Variants in OPN1SW observed in about 807,000 individuals in gnomAD.
OPN1SW encodes short-wave-sensitive opsin 1.
Under a neutral mutation model 31.9 loss-of-function variants are expected in OPN1SW, and 25 were observed. The ratio of observed to expected loss-of-function variants is 0.78; its 90% CI spans 0.57 to 1.09. The LOEUF is 1.09. Ranked by LOEUF, OPN1SW falls within the 50% of genes least tolerant of loss-of-function variation. The pLI is 0.00. For synonymous variants in OPN1SW, 190 were observed against 171.9 expected (o/e 1.11, Z -0.82); for missense variants, 424 against 448.0 (o/e 0.95, Z 0.48).
In OPN1SW at chr7:128,772,613, T is replaced by C; in HGVS notation, c.965A>G (p.Asp322Gly). ...MKMVCGKAMT[D>G]ESDTCSSQKT... Reference sequence around the variant, plus strand: ...CTGGGAGCTGCATGTGTCGGATTCATCTGTCATGGCCTTCCCACACACCAT... The same window carrying C: ...CTGGGAGCTGCATGTGTCGGATTCACCTGTCATGGCCTTCCCACACACCAT... The change falls in exon 5 of 5, where the codon GAT (aspartate) becomes GGT (glycine). Residue 322 changes from aspartate to glycine, a missense_variant. Coordinates refer to ENST00000249389, the MANE Select transcript of OPN1SW (RefSeq NM_001385125.1). 2 of 1,614,168 alleles carry C rather than the reference T, an allele frequency of 1.2e-6. No homozygotes were observed. The highest frequency in any genetic ancestry group is 1.7e-6 in the Non-Finnish European group (2 of 1,180,012).
At position 128,775,655 on chromosome 7, in the gene OPN1SW, G is replaced by T. The variant is rs758046435; in HGVS notation, c.127C>A (p.Leu43Ile). 1 of 1,614,160 alleles carries T rather than the reference G, an allele frequency of 6.2e-7. No individual in the cohort carries two copies. Among genetic ancestry groups the T allele is most frequent in the African/African-American group, 1.3e-5 (1 of 75,036 alleles). ...LQAAFMGTVF[L>I]IGFPLNAMVL... ...ATGGCATTGAGTGGGAACCCTATAA[G>T]GAAGACAGTGCCCATGAAAGCTGCC... Residue 43 changes from leucine (L) to isoleucine (I), a missense_variant, in exon 1 of 5, where the codon CTT becomes ATT. Physicochemically the swap from Leu to Ile is conservative, Grantham distance 5 (BLOSUM62 2). Coordinates refer to ENST00000249389, the MANE Select transcript of OPN1SW (RefSeq NM_001385125.1).
At position 128,775,583 on chromosome 7, in the gene OPN1SW, TGAG is replaced by T. The variant is rs1240186802; in HGVS notation, c.196_198del (p.Leu66del). 4.3e-6 allele frequency: 7 copies of T among 1,613,962 alleles called. No individual in the cohort carries two copies. The highest frequency in any genetic ancestry group is 5.1e-6 in the Non-Finnish European group (6 of 1,179,976). ...AAGGACACGTTGACCAGAATGTAGTTGAGGGGCTGCCGCAACTTTTTGTAGCGC... is the reference window on the plus strand; with the variant it reads ...AAGGACACGTTGACCAGAATGTAGTTGGGCTGCCGCAACTTTTTGTAGCGC... On this transcript the variant is annotated inframe_deletion, in exon 1 of 5. Transcript: ENST00000249389.
rs375615377 is a variant in OPN1SW, at chr7:128,773,749, C to G, written c.818G>C (p.Arg273Pro). ...AAGCCGTAAGTCCAGCCCATGGTTA[C>G]GGTTGTTGACCATGTACATGGCGAA... Reference protein sequence around the residue: ...AAFAMYMVNNRNHGLDLRLVT... With the variant: ...AAFAMYMVNNPNHGLDLRLVT... The change falls in exon 4 of 5, where the codon CGT becomes CCT. Residue 273 changes from arginine (R) to proline (P), a missense_variant. By Grantham distance (103) the Arg-to-Pro change is moderately radical. Coordinates refer to ENST00000249389, the MANE Select transcript of OPN1SW (RefSeq NM_001385125.1). The G allele has an allele frequency of 1.2e-6, 2 of 1,614,052 alleles. No individual in the cohort carries two copies. The highest frequency in any genetic ancestry group is 1.3e-5 in the African/African-American group (1 of 74,924).
intron 3 of OPN1SW, among the ~76,000 whole-genome samples, chr7:128,774,250 C>T (rs1157752264): frequency 2.0e-5 from 3 of 152,166 alleles, no homozygotes; most frequent in Non-Finnish European, 2.9e-5. Flanking sequence ...TGAGCCACTG[C>T]GCCCGGTCTC....
At position 128,772,498 on chromosome 7, in the gene OPN1SW, AAATTT is replaced by A; in HGVS notation, c.*37_*41del. 3 of 1,613,302 alleles carry A rather than the reference AAATTT, an allele frequency of 1.9e-6. No homozygotes were observed. Among genetic ancestry groups the A allele is most frequent in the Non-Finnish European group, 2.5e-6 (3 of 1,179,314 alleles). On this transcript the variant is annotated 3_prime_UTR_variant, in exon 5 of 5. Transcript: ENST00000249389. ...GACAATAGAAACTTACTTAAAAGTA[AAATTT>A]AATTCTAGCTGTTGCAAACAGGCCA...
Position 128,773,736 on chromosome 7 carries a change from C to T in OPN1SW, c.831G>A (p.Leu277=). The change falls in exon 4 of 5, where the codon CTG becomes CTA. Residue 277 remains leucine (L), a synonymous_variant. Coordinates refer to ENST00000249389, the MANE Select transcript of OPN1SW (RefSeq NM_001385125.1). The part of the protein sequence containing the change: ...MYMVNNRNHG[L]DLRLVTIPSF... Reference sequence around the variant, plus strand: ...AAGGAATGGTGACAAGCCGTAAGTCCAGCCCATGGTTACGGTTGTTGACCA... The same window carrying T: ...AAGGAATGGTGACAAGCCGTAAGTCTAGCCCATGGTTACGGTTGTTGACCA... 6.2e-7 allele frequency: 1 copy of T among 1,614,204 alleles called. No individual in the cohort carries two copies. The highest frequency in any genetic ancestry group is 8.5e-7 in the Non-Finnish European group (1 of 1,180,044).
Position 128,774,363 on chromosome 7 carries a change from C to T in OPN1SW, c.678+135G>A, listed in dbSNP as rs899773969. 5 of 1,198,666 alleles carry T rather than the reference C, an allele frequency of 4.2e-6. No homozygotes were observed. The African/African-American group carries it at 7.5e-5, about 18-fold the overall frequency. 74.3% of individuals were successfully genotyped at this position (1,198,666 alleles called of 1,614,324 possible). On this transcript the variant is annotated intron_variant, in intron 3 of 4. Transcript: ENST00000249389. Reference sequence around the variant, plus strand: ...CCTTTGGATCTCCATCATTCTCCCTCCTCCTACTTCCTTTGCTGCTTTTAG... The same window carrying T: ...CCTTTGGATCTCCATCATTCTCCCTTCTCCTACTTCCTTTGCTGCTTTTAG...
chr7:128,775,239 G>A (rs1433366544), intron 1 of OPN1SW, 85 bp from the exon 2 acceptor site: 2 of 1,446,206 alleles, frequency 1.4e-6, no homozygotes, highest in Admixed American at 3.6e-5. Context: ...GGTGGAGCAA[G>A]CACAGAGAGA....
intron 4 of OPN1SW, 118 bp from the exon 5 acceptor site, chr7:128,772,777 G>C (rs1801640678): frequency 3.6e-6 from 5 of 1,397,162 alleles, no homozygotes; most frequent in Non-Finnish European, 5.0e-6. Context: ...AATGCCCTTA[G>C]GTGGTTTTGA....
intron 2 of OPN1SW, 102 bp downstream of exon 2, chr7:128,774,884 A>C: frequency 6.7e-7 from 1 of 1,503,186 alleles, no homozygotes; most frequent in South Asian, 1.2e-5. Flanking sequence ...GCAACTCTTT[A>C]AAAGTAGAGG....
Position 128,773,904 on chromosome 7 carries a change from G to A in OPN1SW, c.679-16C>T, listed in dbSNP as rs750959685. On this transcript the variant is annotated splice_polypyrimidine_tract_variant and intron_variant, in intron 3 of 4. Coordinates refer to ENST00000249389, the MANE Select transcript of OPN1SW (RefSeq NM_001385125.1). ...GAGCTGCAACCTGGGGTGGAGCACGGAAAGCATCACATCTCTCTTTTTCCT... is the reference window on the plus strand; with the variant it reads ...GAGCTGCAACCTGGGGTGGAGCACGAAAAGCATCACATCTCTCTTTTTCCT... The A allele has an allele frequency of 1.4e-5, 23 of 1,605,964 alleles. No individual in the cohort carries two copies. The highest frequency in any genetic ancestry group is 1.6e-5 in the Non-Finnish European group (19 of 1,179,792).
chr7:128,773,006 A>G (rs1801652185), intron 4 of OPN1SW, among the ~76,000 whole-genome samples: 1 of 152,226 alleles, frequency 6.6e-6, no homozygotes, highest in Non-Finnish European at 1.5e-5. Context: ...GAGGTTTCAA[A>G]TTAGTTTTGA....
rs1424127387 is a variant in OPN1SW at position 128,773,719 on chromosome 7, G to A, written c.848C>T (p.Thr283Ile). 1 of 1,614,176 alleles carries A rather than the reference G, an allele frequency of 6.2e-7. No individual in the cohort carries two copies. Among genetic ancestry groups the A allele is most frequent in the African/African-American group, 1.3e-5 (1 of 75,056 alleles). Residue 283 changes from threonine (T) to isoleucine (I), a missense_variant, in exon 4 of 5, where the codon ACC (threonine) becomes ATC (isoleucine). Physicochemically the swap from Thr to Ile is moderately conservative, Grantham distance 89 (BLOSUM62 -1). Coordinates refer to ENST00000249389, the MANE Select transcript of OPN1SW (RefSeq NM_001385125.1). ...ACTCTTGGAGAAGAATGAAGGAATG[G>A]TGACAAGCCGTAAGTCCAGCCCATG... The part of the protein sequence containing the change: ...RNHGLDLRLV[T>I]IPSFFSKSAC...
chr7:128,773,782 T>C lies in OPN1SW; in HGVS notation c.785A>G (p.Tyr262Cys). Reference protein sequence around the residue: ...VGSFCVCYVPYAAFAMYMVNN... With the variant: ...VGSFCVCYVPCAAFAMYMVNN... ...GACCATGTACATGGCGAAGGCCGCG[T>C]AGGGCACGTAGCAGACACAGAAGGA... is the stretch of plus-strand genomic sequence containing the variant. The change falls in exon 4 of 5, where the codon TAC (tyrosine) becomes TGC (cysteine). Residue 262 changes from tyrosine (Y) to cysteine (C), a missense_variant. Tyr to Cys is a radical substitution (Grantham distance 194). Coordinates refer to ENST00000249389, the MANE Select transcript of OPN1SW (RefSeq NM_001385125.1). 1.9e-6 allele frequency: 3 copies of C among 1,614,098 alleles called. No homozygotes were observed. Among genetic ancestry groups the C allele is most frequent in the Non-Finnish European group, 2.5e-6 (3 of 1,180,008 alleles).
rs1487736704 is a variant in OPN1SW at position 128,773,742 on chromosome 7, A to G, written c.825T>C (p.His275=). The G allele has an allele frequency of 6.2e-6, 10 of 1,614,096 alleles. No homozygotes were observed. The Admixed American group carries it at 6.7e-5, about 11-fold the overall frequency. ...FAMYMVNNRN[H]GLDLRLVTIP... is the part of the protein sequence containing the mutation. ...TGGTGACAAGCCGTAAGTCCAGCCC[A>G]TGGTTACGGTTGTTGACCATGTACA... The change falls in exon 4 of 5, where the codon CAT becomes CAC. Residue 275 remains histidine, a synonymous_variant. Transcript: ENST00000249389.
At chr7:128,775,265 A>G in intron 1 of OPN1SW, 111 bp from the exon 2 acceptor site, 1 of 1,339,804 alleles carries the variant, frequency 7.5e-7, no homozygotes, top group Non-Finnish European at 1.0e-6. Flanking sequence ...CTGGACTGAC[A>G]TTTGGAGTGA....
Position 128,773,893 on chromosome 7 carries a change from G to C in OPN1SW, c.679-5C>G. 1 of 1,608,970 alleles carries C rather than the reference G, an allele frequency of 6.2e-7. No homozygotes were observed. Among genetic ancestry groups the C allele is most frequent in the South Asian group, 1.1e-5 (1 of 91,040 alleles). On this transcript the variant is annotated splice_region_variant and splice_polypyrimidine_tract_variant and intron_variant, in intron 3 of 4. Transcript: ENST00000249389. Reference sequence around the variant, plus strand: ...CTCCTGCTGCTGAGCTGCAACCTGGGGTGGAGCACGGAAAGCATCACATCT... The same window carrying C: ...CTCCTGCTGCTGAGCTGCAACCTGGCGTGGAGCACGGAAAGCATCACATCT...
Position 128,773,665 on chromosome 7 carries a change from C to G in OPN1SW, c.902G>C (p.Cys301Ser), listed in dbSNP as rs1801683559. Reference sequence around the variant, plus strand: ...GAGCTTTACCTGCTTATTCATGAAGCAGTAGATGATGGGATTGTAGATGCA... The same window carrying G: ...GAGCTTTACCTGCTTATTCATGAAGGAGTAGATGATGGGATTGTAGATGCA... ...SACIYNPIIY[C>S]FMNKQFQACI... is the part of the protein sequence containing the mutation. The change falls in exon 4 of 5, where the codon TGC (cysteine) becomes TCC (serine). Residue 301 changes from cysteine (C) to serine (S), a missense_variant. Coordinates refer to ENST00000249389, the MANE Select transcript of OPN1SW (RefSeq NM_001385125.1). 1 of 1,614,068 alleles carries G rather than the reference C, an allele frequency of 6.2e-7. No homozygotes were observed. Among genetic ancestry groups the G allele is most frequent in the Non-Finnish European group, 8.5e-7 (1 of 1,180,056 alleles).
At position 128,775,651 on chromosome 7, in the gene OPN1SW, A is replaced by G. The variant is rs752221159; in HGVS notation, c.131T>C (p.Ile44Thr). ...QAAFMGTVFL[I>T]GFPLNAMVLV... Reference sequence around the variant, plus strand: ...CACCATGGCATTGAGTGGGAACCCTATAAGGAAGACAGTGCCCATGAAAGC... The same window carrying G: ...CACCATGGCATTGAGTGGGAACCCTGTAAGGAAGACAGTGCCCATGAAAGC... The change falls in exon 1 of 5, where the codon ATA becomes ACA. Residue 44 changes from isoleucine to threonine, a missense_variant. Physicochemically the swap from Ile to Thr is moderately conservative, Grantham distance 89. Transcript: ENST00000249389. 7 of 1,614,160 alleles carry G rather than the reference A, an allele frequency of 4.3e-6. No individual in the cohort carries two copies. The East Asian group carries it at 8.9e-5, about 21-fold the overall frequency.
Sources: gnomAD v4.1 joint callset for allele counts (sites outside exome capture counted in the v4.1 genomes callset) on GRCh38, gnomAD v4.1.1 for gene constraint, MANE v1.5 for transcripts, NCBI Gene and HGNC (gene_info 2026-07-23, HGNC 2026-07-21) for gene names.